The following EP400 variants were observed in gnomAD, a reference collection of about 807,000 sequenced individuals.
The protein encoded by EP400 is E1A-binding protein p400.
In EP400, 105 loss-of-function variants were observed where a neutral mutation model predicts 354.1. The ratio of observed to expected loss-of-function variants is 0.30; its 90% CI spans 0.25 to 0.35. The LOEUF (loss-of-function observed/expected upper bound fraction) is 0.35. Ranked by LOEUF, EP400 falls within the 10% of genes least tolerant of loss-of-function variation. The probability of loss-of-function intolerance (pLI) is 1.00; values close to 1 mark genes in which losing one functional copy is unlikely to be tolerated. For missense variants in EP400, 3,280 were observed against 4,121.0 expected, an observed-to-expected ratio of 0.80 and a Z score of 5.59; for synonymous variants, 1,646 against 1,716.9, an observed-to-expected ratio of 0.96 and a Z score of 1.02.
Position 132,027,749 on chromosome 12 carries a change from TC to T in EP400, c.5109+220del, listed in dbSNP as rs1446145355. 6.6e-6 allele frequency among the ~76,000 whole-genome samples: 1 copy of T among 152,254 alleles called. No individual in the cohort carries two copies. Among genetic ancestry groups the T allele is most frequent in the Non-Finnish European group, 1.5e-5 (1 of 68,040 alleles). On this transcript the variant is annotated intron_variant, in intron 26 of 52. Transcript: ENST00000389561. This position sits in a 1 kb window ranked among gnomAD's most constrained non-coding sequence, Gnocchi z 4.9. ...ATTTTTTATGTCCTTCTGCAAGTCT[TC>T]CTGGGCATTAGAATTGCTCACTTGT...
Position 132,055,512 on chromosome 12 carries a change from G to A in EP400, c.7884+304G>A, listed in dbSNP as rs190512743. Among the ~76,000 whole-genome samples, 53 of 142,640 alleles carry A rather than the reference G, an allele frequency of 3.7e-4. No homozygotes were observed. In the East Asian group the frequency reaches 9.2e-3, roughly 25 times the overall value. 93.6% of individuals were successfully genotyped at this position (142,640 alleles called of 152,430 possible). Reference sequence around the variant, plus strand: ...GTGTGTGAGGTGTAGGTGTGTGTGTGTGAGGTGTAGGGGTGTGTGTGAGGT... The same window carrying A: ...GTGTGTGAGGTGTAGGTGTGTGTGTATGAGGTGTAGGGGTGTGTGTGAGGT... On this transcript the variant is annotated intron_variant, in intron 45 of 52. Coordinates refer to ENST00000389561, the MANE Select transcript of EP400 (RefSeq NM_015409.5).
chr12:131,961,862 C>A lies in EP400; in HGVS notation c.1243C>A (p.Gln415Lys), dbSNP rs749881985. ...AFKKKHYAPL[Q>K]AYLRQNDLDI... ...CAAGAAGAAACATTATGCCCCATTA[C>A]AAGCATATCTTAGGCAGAATGATTT... The change falls in exon 2 of 53, where the codon CAA becomes AAA. Residue 415 changes from glutamine to lysine, a missense_variant. Coordinates refer to ENST00000389561, the MANE Select transcript of EP400 (RefSeq NM_015409.5). 1 of 1,614,118 alleles carries A rather than the reference C, an allele frequency of 6.2e-7. No homozygotes were observed. The highest frequency in any genetic ancestry group is 1.7e-5 in the Admixed American group (1 of 60,008).
chr12:131,963,975 T>G (rs1891988079), intron 2 of EP400, among the ~76,000 whole-genome samples: 1 of 152,132 alleles, frequency 6.6e-6, no homozygotes, highest in Admixed American at 6.5e-5. Context: ...TGTCCTTTAT[T>G]TTGAGAACAG....
At chr12:132,022,918 TGACA>T (rs1295760519) in intron 23 of EP400, among the ~76,000 whole-genome samples, 2 of 152,102 alleles carry the variant, frequency 1.3e-5, no homozygotes, top group African/African-American at 4.8e-5. Context: ...CCAGCTTGGG[TGACA>T]GCCAGACCCT....
At position 132,005,161 on chromosome 12, in the gene EP400, G is replaced by A. The variant is rs750252980; in HGVS notation, c.2912G>A (p.Gly971Glu). ...CAGTGGCCCCGGCCGAAGCCTGATG[G>A]GGAGGACACAAGCGGAGAGGAAGGT... is the stretch of plus-strand genomic sequence containing the variant. ...SSQWPRPKPD[G>E]EDTSGEEDAD... is the part of the protein sequence containing the mutation. The change falls in exon 13 of 53, where the codon GGG becomes GAG. Residue 971 changes from glycine to glutamate, a missense_variant. This residue lies in a region of EP400 where 800 missense variants were observed against 840.0 expected (regional missense o/e 0.95). Transcript: ENST00000389561. 8 of 1,580,838 alleles carry A rather than the reference G, an allele frequency of 5.1e-6. No homozygotes were observed. Among genetic ancestry groups the A allele is most frequent in the Middle Eastern group, 1.7e-4 (1 of 6,022 alleles).
intron 45 of EP400, among the ~76,000 whole-genome samples, chr12:132,059,787 G>A (rs558119853): frequency 1.0e-4 from 15 of 150,080 alleles, no homozygotes; most frequent in East Asian, 8.4e-4. Context: ...AGGCCAAGGC[G>A]GGCGGATCAC....
At chr12:132,071,783 G>A (rs972804523) in intron 51 of EP400, among the ~76,000 whole-genome samples, 2 of 152,156 alleles carry the variant, frequency 1.3e-5, no homozygotes, top group African/African-American at 4.8e-5. Flanking sequence ...CCCTACCAGC[G>A]CTGCTCACAG....
chr12:132,014,637 G>C (rs978855677), intron 19 of EP400, among the ~76,000 whole-genome samples: 1 of 152,198 alleles, frequency 6.6e-6, no homozygotes, highest in Non-Finnish European at 1.5e-5. Flanking sequence ...TCTGCTGGGG[G>C]TGTGGCCATG....
In EP400 at chr12:131,990,048, C is replaced by G. The variant is rs200268785; in HGVS notation, c.2494C>G (p.Arg832Gly). 29 of 1,613,034 alleles carry G rather than the reference C, an allele frequency of 1.8e-5. No homozygotes were observed. The East Asian group carries it at 6.5e-4, about 36-fold the overall frequency. The stretch of plus-strand genomic sequence containing the variant: ...GAAGGAAGAGCAGAGCAGACTGAGG[C>G]GGATAGCCGCCTCCACGGCCCGGGA... ...GKKEEQSRLR[R>G]IAASTAREIE... The change falls in exon 8 of 53, where the codon CGG becomes GGG. Residue 832 changes from arginine (R) to glycine (G), a missense_variant. Around this residue, in one of 20 missense-constraint regions of EP400, gnomAD observed 800 missense variants for 840.0 expected, o/e 0.95. Coordinates refer to ENST00000389561, the MANE Select transcript of EP400 (RefSeq NM_015409.5). The surrounding 1 kb of genome is among the most constrained non-coding windows in gnomAD (Gnocchi z 4.2).
chr12:132,040,331 G>A (rs1264000917), intron 32 of EP400, among the ~76,000 whole-genome samples: 1 of 151,984 alleles, frequency 6.6e-6, no homozygotes, highest in Non-Finnish European at 1.5e-5. Context: ...TGTGGAAATA[G>A]AGCTCCCACC....
rs1015547863 is a variant in EP400 at position 131,966,926 on chromosome 12, CCT to C, written c.1335+4973_1335+4974del. On this transcript the variant is annotated intron_variant, in intron 2 of 52. Coordinates refer to ENST00000389561, the MANE Select transcript of EP400 (RefSeq NM_015409.5). Reference sequence around the variant, plus strand: ...CTCAAAAAAAAAAAAAAAAAAAAAACCTATGTGTAGTGATACACACCTGTAGT... The same window carrying C: ...CTCAAAAAAAAAAAAAAAAAAAAAACATGTGTAGTGATACACACCTGTAGT... 5.4e-4 allele frequency among the ~76,000 whole-genome samples: 59 copies of C among 108,784 alleles called. 1 individual carries two copies. Among genetic ancestry groups the C allele is most frequent in the Admixed American group, 4.7e-3 (53 of 11,380 alleles). The allele number at this position is 108,784 out of a possible 152,430, so 71.4% of individuals were successfully genotyped here. A position where few individuals can be genotyped will look rare whatever the true frequency, so the allele number is the denominator to read the frequency against.
In EP400 at chr12:132,028,145, G is replaced by T. The variant is rs147400562; in HGVS notation, c.5238G>T (p.Arg1746Ser). Residue 1746 changes from arginine to serine, a missense_variant, in exon 27 of 53, where the codon AGG (arginine) becomes AGT (serine). By Grantham distance (110) the Arg-to-Ser change is moderately radical. This residue lies in a region of EP400 where 459 missense variants were observed against 496.9 expected (regional missense o/e 0.92). Transcript: ENST00000389561. ...LRICALPSHG[R>S]VQWRGSLDGR... The stretch of plus-strand genomic sequence containing the variant: ...TTTGTGCCCTGCCTAGCCATGGAAG[G>T]GTACAGTGGCGTGGGTCCCTGGATG... The T allele has an allele frequency of 4.4e-5, 71 of 1,614,076 alleles. No individual in the cohort carries two copies. In the African/African-American group the frequency reaches 8.8e-4, roughly 20 times the overall value.
intron 7 of EP400, among the ~76,000 whole-genome samples, chr12:131,989,391 C>G (rs948908344): frequency 1.6e-4 from 25 of 152,306 alleles, no homozygotes; most frequent in Non-Finnish European, 2.9e-4. Flanking sequence ...AGAGTCCTGG[C>G]GGTAGTTGAG....
At chr12:132,034,276 G>A (rs1333203364) in intron 30 of EP400, among the ~76,000 whole-genome samples, 1 of 152,214 alleles carries the variant, frequency 6.6e-6, no homozygotes, top group African/African-American at 2.4e-5. Flanking sequence ...AGCGGTGCAG[G>A]AACAGGGCAT....
intron 15 of EP400, among the ~76,000 whole-genome samples, chr12:132,008,443 C>G (rs1893657488): frequency 6.6e-6 from 1 of 152,212 alleles, no homozygotes. Context: ...CCGTGTCACA[C>G]AGTTTAGATG....
At chr12:132,057,644 T>C (rs1420463270) in intron 45 of EP400, among the ~76,000 whole-genome samples, 1 of 152,228 alleles carries the variant, frequency 6.6e-6, no homozygotes, top group Admixed American at 6.5e-5. Context: ...AGAATATATA[T>C]ACACACAGTT....
chr12:131,972,380 C>G (rs1349812262), intron 2 of EP400, among the ~76,000 whole-genome samples: 1 of 152,078 alleles, frequency 6.6e-6, no homozygotes, highest in Non-Finnish European at 1.5e-5. Context: ...GTCTCGATCT[C>G]CTGACCTCGT....
chr12:132,045,343 G>A lies in EP400; in HGVS notation c.6809G>A (p.Arg2270His), dbSNP rs769190411. ...PSAAGRKKKQ[R>H]HGEAVVPPRS... ...GCTGCAGGCAGGAAGAAGAAGCAGC[G>A]TCACGGGGAGGCGGTCGTCCCTCCT... The change falls in exon 38 of 53, where the codon CGT (arginine) becomes CAT (histidine). Residue 2270 changes from arginine (R) to histidine (H), a missense_variant. Coordinates refer to ENST00000389561, the MANE Select transcript of EP400 (RefSeq NM_015409.5). 4.2e-5 allele frequency: 68 copies of A among 1,614,120 alleles called. No individual in the cohort carries two copies. The highest frequency in any genetic ancestry group is 5.0e-5 in the Admixed American group (3 of 60,006).
At chr12:131,953,263 G>C (rs1336661296) in intron 1 of EP400, among the ~76,000 whole-genome samples, 1 of 152,134 alleles carries the variant, frequency 6.6e-6, no homozygotes, top group Non-Finnish European at 1.5e-5. Context: ...GAAAAATAAA[G>C]ATCAAGAAAC....
Sources: gnomAD v4.1 joint callset for allele counts (sites outside exome capture counted in the v4.1 genomes callset) on GRCh38, gnomAD v4.1.1 for gene constraint, gnomAD v4.1.1 regional missense constraint, Gnocchi (gnomAD v3.1) non-coding constraint, MANE v1.5 for transcripts, NCBI Gene and HGNC (gene_info 2026-07-23, HGNC 2026-07-21) for gene names.